Variants in PALM2AKAP2 observed in about 807,000 individuals in gnomAD.
PALM2AKAP2 encodes PALM2 and AKAP2 fusion.
Under a neutral mutation model 71.5 loss-of-function variants are expected in PALM2AKAP2, and 37 were observed. The ratio of observed to expected loss-of-function variants is 0.52; its 90% CI spans 0.40 to 0.68. PALM2AKAP2 has a LOEUF of 0.68. Ranked by LOEUF, PALM2AKAP2 falls within the 30% of genes least tolerant of loss-of-function variation. PALM2AKAP2 has a pLI of 0.00. For missense variants in PALM2AKAP2, 1,224 were observed against 1,191.8 expected, an observed-to-expected ratio of 1.03 and a Z score of -0.40; for synonymous variants, 468 against 478.8, an observed-to-expected ratio of 0.98 and a Z score of 0.29.
intron 1 of PALM2AKAP2, among the ~76,000 whole-genome samples, chr9:109,737,950 T>A (rs1048627063): frequency 2.0e-5 from 3 of 152,256 alleles, no homozygotes; most frequent in Non-Finnish European, 4.4e-5. Context: ...CCAACCTGAC[T>A]AGCATGGCTT....
At chr9:110,064,429 T>G (rs1672071971) in intron 1 of PALM2AKAP2, among the ~76,000 whole-genome samples, 1 of 152,138 alleles carries the variant, frequency 6.6e-6, no homozygotes, top group African/African-American at 2.4e-5. Context: ...AGCAGTGAAT[T>G]GGCTCAGAAA....
At chr9:110,042,310 C>A (rs1371744594) in intron 7 of PALM2AKAP2, among the ~76,000 whole-genome samples, 2 of 152,142 alleles carry the variant, frequency 1.3e-5, no homozygotes, top group African/African-American at 2.4e-5. Flanking sequence ...CCTATAATCC[C>A]AGCTACTTGG....
chr9:109,953,834 C>CAAAAAAAAAAAAAA (rs34719180), intron 6 of PALM2AKAP2, among the ~76,000 whole-genome samples: 1 of 48,628 alleles, frequency 2.1e-5, no homozygotes, highest in African/African-American at 7.5e-5. Context: ...GACTCCATCT[C>CAAAAAAAAAAAAAA]AAAAAAAAAA....
chr9:109,769,937 A>T (rs1321405496), intron 1 of PALM2AKAP2, among the ~76,000 whole-genome samples: 1 of 152,178 alleles, frequency 6.6e-6, no homozygotes, highest in African/African-American at 2.4e-5. Context: ...TGTTCTCCCT[A>T]GAAGAACTAA....
intron 1 of PALM2AKAP2, among the ~76,000 whole-genome samples, chr9:110,111,592 A>C (rs955614176): frequency 2.6e-5 from 4 of 152,350 alleles, no homozygotes; most frequent in African/African-American, 9.6e-5. Flanking sequence ...CCCTAACGGC[A>C]AAATGAATTG....
At chr9:110,153,205 C>A (rs1002150074) in intron 2 of PALM2AKAP2, among the ~76,000 whole-genome samples, 1 of 152,144 alleles carries the variant, frequency 6.6e-6, no homozygotes, top group Non-Finnish European at 1.5e-5. Flanking sequence ...TATAGTAATC[C>A]TTCACCCTCT....
chr9:110,050,778 C>T (rs1274492550), intron 1 of PALM2AKAP2, among the ~76,000 whole-genome samples: 3 of 152,190 alleles, frequency 2.0e-5, no homozygotes, highest in Non-Finnish European at 4.4e-5. Context: ...CAGGCACCCA[C>T]CACCACACCC....
intron 1 of PALM2AKAP2, among the ~76,000 whole-genome samples, chr9:110,049,827 G>T (rs368819515): frequency 6.6e-6 from 1 of 152,244 alleles, no homozygotes; most frequent in African/African-American, 2.4e-5. Flanking sequence ...GCTGGTGGCC[G>T]GGTGAGGACT....
At chr9:109,780,472 G>T in exon 1 of PALM2AKAP2, 6 of 1,613,326 alleles carry the variant, frequency 3.7e-6, no homozygotes, top group Non-Finnish European at 5.1e-6. Flanking sequence ...TCCCCTGCCT[G>T]TGTGCCCTTC....
intron 1 of PALM2AKAP2, among the ~76,000 whole-genome samples, chr9:109,790,338 AT>A (rs146833404): frequency 0.042 from 6,324 of 152,094 alleles, 201 homozygotes; most frequent in South Asian, 0.062. Context: ...GGTGGGTGGG[AT>A]TTTTCCCCCC....
intron 6 of PALM2AKAP2, among the ~76,000 whole-genome samples, chr9:109,961,038 C>CA (rs984666845): frequency 6.6e-6 from 1 of 152,220 alleles, no homozygotes; most frequent in African/African-American, 2.4e-5. Context: ...TATGATTGTT[C>CA]AGGTTGCATA....
intron 1 of PALM2AKAP2, among the ~76,000 whole-genome samples, chr9:109,667,561 A>C (rs1320202056): frequency 6.6e-6 from 1 of 152,142 alleles, no homozygotes; most frequent in African/African-American, 2.4e-5. Flanking sequence ...AGGTCAAGGC[A>C]GGTGTATCAC....
intron 1 of PALM2AKAP2, among the ~76,000 whole-genome samples, chr9:109,757,342 T>C (rs1828979277): frequency 6.6e-6 from 1 of 152,174 alleles, no homozygotes; most frequent in East Asian, 1.9e-4. Flanking sequence ...ATCTCCTTCT[T>C]TCATACCAAT....
At chr9:109,931,845 C>T (rs1405162174) in intron 5 of PALM2AKAP2, 82 bp from the exon 6 acceptor site, 3 of 1,482,518 alleles carry the variant, frequency 2.0e-6, no homozygotes, top group Middle Eastern at 1.7e-4. Context: ...TTATGTAGGG[C>T]AGACAAGCTG....
chr9:109,833,607 G>A (rs116859699), intron 1 of PALM2AKAP2, among the ~76,000 whole-genome samples: 9 of 152,254 alleles, frequency 5.9e-5, no homozygotes, highest in Admixed American at 1.3e-4. Context: ...AAGGATGTTC[G>A]AAGCATGATT....
intron 1 of PALM2AKAP2, among the ~76,000 whole-genome samples, chr9:110,065,084 G>A (rs1483430832): frequency 6.6e-6 from 1 of 152,172 alleles, no homozygotes; most frequent in African/African-American, 2.4e-5. Context: ...CCAGCCGGAT[G>A]ACTTTCTGGT....
intron 1 of PALM2AKAP2, among the ~76,000 whole-genome samples, chr9:109,677,418 A>T (rs2118506985): frequency 6.6e-6 from 1 of 152,266 alleles, no homozygotes; most frequent in Admixed American, 6.5e-5. Context: ...CTGTAATCCC[A>T]GCACTTTGGG....
intron 1 of PALM2AKAP2, among the ~76,000 whole-genome samples, chr9:109,790,436 A>C (rs1354173267): frequency 6.6e-6 from 1 of 152,216 alleles, no homozygotes; most frequent in Non-Finnish European, 1.5e-5. Flanking sequence ...TTACCAAAAA[A>C]TGTTATTCTT....
chr9:110,010,620 T>G lies in PALM2AKAP2; in HGVS notation c.497-5334T>G, dbSNP rs1813307339. On this transcript the variant is annotated intron_variant, in intron 6 of 9. Transcript: ENST00000302798. ...ATTCTATTCCATATATTCTATTCTA[T>G]TTATATATTCTATAAATATATAGAA... Among the ~76,000 whole-genome samples the G allele has an allele frequency of 2.0e-5, 3 of 148,002 alleles. No individual in the cohort carries two copies. In the South Asian group the frequency reaches 6.2e-4, roughly 31 times the overall value.
Sources: gnomAD v4.1 joint callset for allele counts (sites outside exome capture counted in the v4.1 genomes callset) on GRCh38, gnomAD v4.1.1 for gene constraint, MANE v1.5 for transcripts, NCBI Gene and HGNC (gene_info 2026-07-23, HGNC 2026-07-21) for gene names.